The following PCDH11X variants were observed in gnomAD, a reference collection of about 807,000 sequenced individuals.
PCDH11X encodes the protein protocadherin-11 X-linked.
Under a neutral mutation model 53.3 loss-of-function variants are expected in PCDH11X, and 18 were observed. That is an observed-to-expected ratio of 0.34 (90% CI 0.23 to 0.50). The LOEUF (loss-of-function observed/expected upper bound fraction) is 0.50. Ranked by LOEUF, PCDH11X falls within the 20% of genes least tolerant of loss-of-function variation. PCDH11X has a pLI of 0.98. For synonymous variants in PCDH11X, 279 were observed against 393.3 expected, an observed-to-expected ratio of 0.71 and a Z score of 3.44; for missense variants, 570 against 1,032.4, an observed-to-expected ratio of 0.55 and a Z score of 6.14.
At chrX:91,894,972 T>A (rs916820393) in intron 6 of PCDH11X, among the ~76,000 whole-genome samples, 2 of 110,828 alleles carry the variant, frequency 1.8e-5, no homozygotes, top group African/African-American at 6.6e-5. Context: ...GCACCCTTTG[T>A]GACCCTATGT....
intron 6 of PCDH11X, among the ~76,000 whole-genome samples, chrX:91,930,244 T>C (rs1012504682): frequency 4.6e-5 from 5 of 108,463 alleles, no homozygotes; most frequent in African/African-American, 1.7e-4. Flanking sequence ...TAGGTAGAAA[T>C]CTATTTTAAA....
intron 6 of PCDH11X, among the ~76,000 whole-genome samples, chrX:91,918,509 A>C (rs1941644679): frequency 9.0e-6 from 1 of 110,803 alleles, no homozygotes; most frequent in Non-Finnish European, 1.9e-5. Context: ...TAAACATTGG[A>C]TAATATGAGG....
intron 10 of PCDH11X, among the ~76,000 whole-genome samples, chrX:92,587,348 G>T (rs1423199783): frequency 9.0e-6 from 1 of 111,314 alleles, no homozygotes; most frequent in Admixed American, 9.6e-5. Flanking sequence ...ATAGCGATTA[G>T]AAAATAATAA....
intron 9 of PCDH11X, among the ~76,000 whole-genome samples, chrX:92,441,105 G>T (rs1603315478): frequency 9.2e-6 from 1 of 109,065 alleles, no homozygotes; most frequent in South Asian, 4.2e-4. Context: ...TTAGAGAGAT[G>T]ACTTAGGGTA....
At chrX:91,964,024 T>C (rs1372390526) in intron 6 of PCDH11X, among the ~76,000 whole-genome samples, 1 of 109,948 alleles carries the variant, frequency 9.1e-6, no homozygotes, top group Non-Finnish European at 1.9e-5. Flanking sequence ...GGAACTACAA[T>C]TCAAGATGAG....
intron 10 of PCDH11X, among the ~76,000 whole-genome samples, chrX:92,594,347 A>G (rs1436796443): frequency 9.0e-6 from 1 of 111,174 alleles, no homozygotes; most frequent in African/African-American, 3.3e-5. Flanking sequence ...AAAGAGATAT[A>G]TTTGGCTTAT....
chrX:92,128,092 C>G (rs1293491430), intron 6 of PCDH11X, among the ~76,000 whole-genome samples: 4 of 111,646 alleles, frequency 3.6e-5, no homozygotes, highest in Non-Finnish European at 5.6e-5. Flanking sequence ...TTAATTCTTT[C>G]ACCAATGGAT....
chrX:92,263,001 T>A (rs2067750217), intron 7 of PCDH11X, 113 bp from the exon 8 acceptor site: 1 of 1,051,296 alleles, frequency 9.5e-7, no homozygotes, highest in African/African-American at 2.3e-5. Flanking sequence ...AATGTTGACA[T>A]GCTTTTTTTT....
chrX:92,231,573 G>A lies in PCDH11X; in HGVS notation c.3114+30118G>A, dbSNP rs1238370285. 3.6e-5 allele frequency among the ~76,000 whole-genome samples: 4 copies of A among 111,749 alleles called. No individual in the cohort carries two copies. In the East Asian group the frequency reaches 1.1e-3, roughly 32 times the overall value. The stretch of plus-strand genomic sequence containing the variant: ...AAGGAAACAAAGTACTAGGAAAATC[G>A]TTGTTTGAATTAGACCTACAGGGCC... On this transcript the variant is annotated intron_variant, in intron 7 of 10. Coordinates refer to ENST00000682573, the MANE Select transcript of PCDH11X (RefSeq NM_032968.5).
chrX:91,793,383 T>G (rs930889679), intron 1 of PCDH11X, among the ~76,000 whole-genome samples: 7 of 110,463 alleles, frequency 6.3e-5, no homozygotes, highest in African/African-American at 2.3e-4. Flanking sequence ...TTTACTTTTT[T>G]AGGAGTTTTA....
At chrX:91,807,492 G>A (rs1237975279) in intron 1 of PCDH11X, among the ~76,000 whole-genome samples, 1 of 111,163 alleles carries the variant, frequency 9.0e-6, no homozygotes, top group Non-Finnish European at 1.9e-5. Context: ...GAGAGAGAGA[G>A]AGAGAGAAAT....
intron 6 of PCDH11X, among the ~76,000 whole-genome samples, chrX:91,880,874 C>T (rs1244525655): frequency 9.2e-6 from 1 of 108,776 alleles, no homozygotes; most frequent in East Asian, 2.9e-4. Flanking sequence ...ATTCTTATTG[C>T]TATTCTGCTT....
chrX:92,123,220 A>G (rs1321451079), intron 6 of PCDH11X, among the ~76,000 whole-genome samples: 31 of 111,621 alleles, frequency 2.8e-4, no homozygotes, highest in Non-Finnish European at 5.1e-4. Context: ...TTCTCCGCCT[A>G]GATAAATACT....
At position 92,586,977 on chromosome X, in the gene PCDH11X, C is replaced by CTT. The variant is rs34675403; in HGVS notation, c.3368-31268_3368-31267dup. On this transcript the variant is annotated intron_variant, in intron 10 of 10. Transcript: ENST00000682573. ...CAAATGATGAACTCTACACAGAAGC[C>CTT]TTTTTTTTTTTTTTTTTTTTGCCTG... Among the ~76,000 whole-genome samples, 694 of 72,830 alleles carry CTT rather than the reference C, an allele frequency of 9.5e-3. 8 individuals carry two copies. The highest frequency in any genetic ancestry group is 0.022 in the African/African-American group (440 of 19,909). The allele number at this position is 72,830 out of a possible 115,157, so 63.2% of individuals were successfully genotyped here.
intron 10 of PCDH11X, among the ~76,000 whole-genome samples, chrX:92,514,656 G>A (rs35122919): frequency 1.8e-5 from 2 of 108,845 alleles, no homozygotes; most frequent in African/African-American, 6.7e-5. Flanking sequence ...GCTTAAACCC[G>A]GGAGGTGGAG....
intron 8 of PCDH11X, among the ~76,000 whole-genome samples, chrX:92,340,079 C>T (rs141702253): frequency 4.4e-3 from 497 of 111,838 alleles, no homozygotes; most frequent in African/African-American, 0.014. Context: ...AATGGAGCTA[C>T]AGACCCCATA....
Position 92,379,491 on chromosome X carries a change from G to C in PCDH11X, c.3145-8244G>C, listed in dbSNP as rs1287906469. ...CTGAAGGTGCCCTTTGGCATGAACA[G>C]CCTGGGTGCCATAGATGACATGATT... On this transcript the variant is annotated intron_variant, in intron 8 of 10. Coordinates refer to ENST00000682573, the MANE Select transcript of PCDH11X (RefSeq NM_032968.5). 4.4e-5 allele frequency among the ~76,000 whole-genome samples: 5 copies of C among 112,960 alleles called. No individual in the cohort carries two copies. The East Asian group carries it at 1.4e-3, about 32-fold the overall frequency.
chrX:92,497,229 T>G (rs1459651998), intron 10 of PCDH11X, among the ~76,000 whole-genome samples: 2 of 109,100 alleles, frequency 1.8e-5, no homozygotes, highest in Non-Finnish European at 3.8e-5. Context: ...GTGGAATCTT[T>G]CAGGTCAGGT....
chrX:92,239,326 C>T (rs1012428876), intron 7 of PCDH11X, among the ~76,000 whole-genome samples: 2 of 110,961 alleles, frequency 1.8e-5, no homozygotes, highest in Admixed American at 9.7e-5. Context: ...GTCCACCAGG[C>T]GTAGACTTAA....
Sources: gnomAD v4.1 joint callset for allele counts (sites outside exome capture counted in the v4.1 genomes callset) on GRCh38, gnomAD v4.1.1 for gene constraint, MANE v1.5 for transcripts, NCBI Gene and HGNC (gene_info 2026-07-23, HGNC 2026-07-21) for gene names.